ELAVL3: variants seen among roughly 807,000 people sequenced by gnomAD.
ELAVL3 encodes the protein ELAV like RNA binding protein 3, also known as ELAV-like protein 3.
In ELAVL3, 8 loss-of-function variants were observed where a neutral mutation model predicts 34.2. The observed-to-expected ratio is 0.23, with a 90% CI of 0.14 to 0.42. ELAVL3 has a LOEUF of 0.42. Among genes scored for constraint, ELAVL3 ranks in the 10% least tolerant of loss-of-function variants. The pLI, the probability that ELAVL3 is intolerant of heterozygous loss-of-function variation, is 1.00. For synonymous variants in ELAVL3, 209 were observed against 222.1 expected, an observed-to-expected ratio of 0.94 and a Z score of 0.53; for missense variants, 273 against 518.8, an observed-to-expected ratio of 0.53 and a Z score of 4.60.
chr19:11,479,759 G>C (rs1317930974), intron 1 of ELAVL3, among the ~76,000 whole-genome samples: 1 of 151,748 alleles, frequency 6.6e-6, no homozygotes, highest in Non-Finnish European at 1.5e-5. Context: ...TGAAAGCACC[G>C]AGCGCGGGGC....
At chr19:11,463,022 C>G (rs1371494769) in intron 3 of ELAVL3, among the ~76,000 whole-genome samples, 9 of 150,996 alleles carry the variant, frequency 6.0e-5, no homozygotes, top group Admixed American at 5.9e-4. Flanking sequence ...GTTTTCTCTT[C>G]TTTTTTTCTC....
At chr19:11,456,503 AT>A (rs879501206) in intron 6 of ELAVL3, among the ~76,000 whole-genome samples, 301 of 132,588 alleles carry the variant, frequency 2.3e-3, no homozygotes, top group Middle Eastern at 4.4e-3. Flanking sequence ...TTTTTTAATT[AT>A]TTTTTTTTTT....
intron 1 of ELAVL3, among the ~76,000 whole-genome samples, chr19:11,475,878 G>A (rs1971253843): frequency 6.6e-6 from 1 of 152,040 alleles, no homozygotes; most frequent in African/African-American, 2.4e-5. Context: ...GCCTCCCAAA[G>A]TGCTGGTATT....
intron 1 of ELAVL3, among the ~76,000 whole-genome samples, chr19:11,478,147 G>C (rs916662402): frequency 6.6e-6 from 1 of 152,124 alleles, no homozygotes; most frequent in South Asian, 2.1e-4. Flanking sequence ...GAGGTGGAGG[G>C]GATGGTGTCA....
chr19:11,469,930 T>C lies in ELAVL3; in HGVS notation c.10-3103A>G, dbSNP rs182486799. ...AAAACTAGCTGAATGTGATGTTGTG[T>C]GCCTGTAGCAAAGATACTTGGGAGG... On this transcript the variant is annotated intron_variant, in intron 1 of 6. Coordinates refer to ENST00000359227, the MANE Select transcript of ELAVL3 (RefSeq NM_001420.4). Among the ~76,000 whole-genome samples, 4 of 152,276 alleles carry C rather than the reference T, an allele frequency of 2.6e-5. No homozygotes were observed. In the East Asian group the frequency reaches 7.7e-4, roughly 29 times the overall value.
intron 1 of ELAVL3, among the ~76,000 whole-genome samples, chr19:11,471,320 A>AT (rs923007289): frequency 2.2e-4 from 29 of 133,474 alleles, no homozygotes; most frequent in East Asian, 2.4e-4. Flanking sequence ...AAAAAAAAAA[A>AT]TTTTTTTTTT....
rs375001633 is a variant in ELAVL3 at position 11,467,194 on chromosome 19, G to A, written c.10-367C>T. ...TCTCAGCACTTTGGGAAGCTGAGGC[G>A]GGCGGATCACCTGAGGTCGGGAGTT... On this transcript the variant is annotated intron_variant, in intron 1 of 6. Coordinates refer to ENST00000359227, the MANE Select transcript of ELAVL3 (RefSeq NM_001420.4). Among the ~76,000 whole-genome samples the A allele has an allele frequency of 6.7e-4, 102 of 152,186 alleles. 1 individual carries two copies. Among genetic ancestry groups the A allele is most frequent in the East Asian group, 7.8e-4 (4 of 5,154 alleles).
At chr19:11,478,678 G>C (rs940361390) in intron 1 of ELAVL3, among the ~76,000 whole-genome samples, 2 of 151,936 alleles carry the variant, frequency 1.3e-5, no homozygotes, top group Non-Finnish European at 2.9e-5. Flanking sequence ...TCTCTGAACC[G>C]TTCTGTGTCC....
intron 6 of ELAVL3, among the ~76,000 whole-genome samples, chr19:11,456,759 G>A (rs1245211719): frequency 6.6e-6 from 1 of 152,012 alleles, no homozygotes; most frequent in Non-Finnish European, 1.5e-5. Context: ...CAACTCCTAG[G>A]CTCAAGCGAT....
At chr19:11,465,099 CACACAT>C (rs1417040829) in intron 3 of ELAVL3, among the ~76,000 whole-genome samples, 15 of 144,142 alleles carry the variant, frequency 1.0e-4, no homozygotes, top group African/African-American at 2.8e-4. Context: ...ACACACCACA[CACACAT>C]ACACATACAC....
At chr19:11,462,961 CAAAAAAA>C (rs1169791063) in intron 3 of ELAVL3, among the ~76,000 whole-genome samples, 1 of 73,062 alleles carries the variant, frequency 1.4e-5, no homozygotes, top group East Asian at 4.8e-4. Flanking sequence ...GACTCCGTCT[CAAAAAAA>C]AAAAAAAAAA....
In ELAVL3 at chr19:11,454,300, G is replaced by T; in HGVS notation, c.*226C>A. On this transcript the variant is annotated 3_prime_UTR_variant, in exon 7 of 7. Coordinates refer to ENST00000359227, the MANE Select transcript of ELAVL3 (RefSeq NM_001420.4). This position sits in a 1 kb window ranked among gnomAD's most constrained non-coding sequence, Gnocchi z 9.2. ...GAGTGAACAGCCCAGCCTGGGGTGG[G>T]GGCAGGAGGATGGGGCGGGGGATCC... 3.6e-6 allele frequency: 2 copies of T among 555,954 alleles called. No individual in the cohort carries two copies. Among genetic ancestry groups the T allele is most frequent in the Non-Finnish European group, 6.4e-6 (2 of 312,834 alleles). The allele number at this position is 555,954 out of a possible 1,614,324, so 34.4% of individuals were successfully genotyped here. A position where few individuals can be genotyped will look rare whatever the true frequency, so the allele number is the denominator to read the frequency against.
chr19:11,470,249 G>A (rs1405254002), intron 1 of ELAVL3, among the ~76,000 whole-genome samples: 1 of 152,182 alleles, frequency 6.6e-6, no homozygotes, highest in Non-Finnish European at 1.5e-5. Context: ...CAGCTACTCG[G>A]GAGGCTGAGG....
intron 1 of ELAVL3, among the ~76,000 whole-genome samples, chr19:11,471,812 G>A (rs1048477738): frequency 3.9e-5 from 6 of 152,060 alleles, no homozygotes; most frequent in East Asian, 1.9e-4. Flanking sequence ...CTCACTATGC[G>A]TCTTTGGATA....
intron 6 of ELAVL3, among the ~76,000 whole-genome samples, chr19:11,456,152 C>T (rs1415321284): frequency 6.6e-6 from 1 of 151,948 alleles, no homozygotes; most frequent in African/African-American, 2.4e-5. Flanking sequence ...GTCGCCCAGG[C>T]TGGAGTGCAG....
In ELAVL3 at chr19:11,453,649, G is replaced by A. The variant is rs748309106; in HGVS notation, c.*877C>T. The stretch of plus-strand genomic sequence containing the variant: ...CCACGTGTCTGAGTTTGGCCAACCA[G>A]TCCCTTAACGTGTCTGGGGCATGTC... On this transcript the variant is annotated 3_prime_UTR_variant, in exon 7 of 7. Coordinates refer to ENST00000359227, the MANE Select transcript of ELAVL3 (RefSeq NM_001420.4). The A allele has an allele frequency of 6.5e-5, 10 of 152,882 alleles. No individual in the cohort carries two copies. The highest frequency in any genetic ancestry group is 1.5e-4 in the Non-Finnish European group (10 of 68,088). 9.5% of individuals were successfully genotyped at this position (152,882 alleles called of 1,614,324 possible).
chr19:11,463,520 C>T (rs573573631), intron 3 of ELAVL3, among the ~76,000 whole-genome samples: 3 of 152,226 alleles, frequency 2.0e-5, no homozygotes, highest in East Asian at 1.9e-4. Flanking sequence ...CACAAACACA[C>T]GATATCACAC....
In ELAVL3 at chr19:11,466,513, C is replaced by T; in HGVS notation, c.229+95G>A. ...AGACCACCTCCTGCCTCGATTACCC[C>T]CGAGACACCTCAGCAAGGGTCCCAC... On this transcript the variant is annotated intron_variant, in intron 2 of 6. Coordinates refer to ENST00000359227, the MANE Select transcript of ELAVL3 (RefSeq NM_001420.4). The surrounding 1 kb of genome is among the most constrained non-coding windows in gnomAD (Gnocchi z 5.0). 1 of 1,413,232 alleles carries T rather than the reference C, an allele frequency of 7.1e-7. No homozygotes were observed. The allele number at this position is 1,413,232 out of a possible 1,614,324, so 87.5% of individuals were successfully genotyped here.
Position 11,458,482 on chromosome 19 carries a change from G to A in ELAVL3, c.463C>T (p.Arg155Cys). 3 of 1,614,140 alleles carry A rather than the reference G, an allele frequency of 1.9e-6. No individual in the cohort carries two copies. The highest frequency in any genetic ancestry group is 2.5e-6 in the Non-Finnish European group (3 of 1,180,038). ...CCTGTGACCTGGTCCACCAGGATGC[G>A]GGACGTGATGATGCGGCCGTACTGG... ...FSQYGRIITS[R>C]ILVDQVTGVS... The change falls in exon 4 of 7, where the codon CGC (arginine) becomes TGC (cysteine). Residue 155 changes from arginine to cysteine, a missense_variant. Physicochemically the swap from Arg to Cys is radical, Grantham distance 180. Transcript: ENST00000359227. The surrounding 1 kb of genome is among the most constrained non-coding windows in gnomAD (Gnocchi z 7.3).
Sources: gnomAD v4.1 joint callset for allele counts (sites outside exome capture counted in the v4.1 genomes callset) on GRCh38, gnomAD v4.1.1 for gene constraint, Gnocchi (gnomAD v3.1) non-coding constraint, MANE v1.5 for transcripts, NCBI Gene and HGNC (gene_info 2026-07-23, HGNC 2026-07-21) for gene names.